Variants in TAFA2 observed in about 807,000 individuals in gnomAD.
TAFA2 encodes the protein chemokine-like protein TAFA-2.
In TAFA2, 7 loss-of-function variants were observed where a neutral mutation model predicts 18.8. The ratio of observed to expected loss-of-function variants is 0.37; its 90% CI spans 0.21 to 0.70. The LOEUF is 0.70. Among genes scored for constraint, TAFA2 ranks in the 30% least tolerant of loss-of-function variants. The probability of loss-of-function intolerance (pLI) is 0.53; values close to 1 mark genes in which losing one functional copy is unlikely to be tolerated. For missense variants in TAFA2, 122 were observed against 158.1 expected, an observed-to-expected ratio of 0.77 and a Z score of 1.23; for synonymous variants, 60 against 54.2, an observed-to-expected ratio of 1.11 and a Z score of -0.47.
At chr12:62,065,611 G>T (rs1882464335) in intron 1 of TAFA2, among the ~76,000 whole-genome samples, 1 of 151,970 alleles carries the variant, frequency 6.6e-6, no homozygotes, top group Admixed American at 6.6e-5. Context: ...CTTAGCATGT[G>T]TTCATATCAT....
At chr12:61,902,285 A>C (rs2198787) in intron 1 of TAFA2, among the ~76,000 whole-genome samples, 148,629 of 152,186 alleles carry the variant, frequency 0.98, 72,606 homozygotes, top group East Asian at 1. Flanking sequence ...ACTGTCACTA[A>C]CTTTAAAATA....
At chr12:62,046,627 T>A (rs151313451) in intron 1 of TAFA2, among the ~76,000 whole-genome samples, 1 of 152,194 alleles carries the variant, frequency 6.6e-6, no homozygotes, top group East Asian at 1.9e-4. Context: ...TATAAAATAC[T>A]CTACAGATTT....
At chr12:61,921,393 G>A (rs1423349197) in intron 1 of TAFA2, among the ~76,000 whole-genome samples, 1 of 152,130 alleles carries the variant, frequency 6.6e-6, no homozygotes, top group African/African-American at 2.4e-5. Context: ...CTCCCTGATA[G>A]ATTGAATTCT....
intron 1 of TAFA2, among the ~76,000 whole-genome samples, chr12:62,098,949 A>T (rs1869068299): frequency 1.3e-5 from 2 of 152,186 alleles, no homozygotes; most frequent in South Asian, 4.1e-4. Context: ...ATATTTACAC[A>T]TTAAATGTTT....
At chr12:62,093,445 T>C (rs1274668755) in intron 1 of TAFA2, among the ~76,000 whole-genome samples, 2 of 152,058 alleles carry the variant, frequency 1.3e-5, no homozygotes, top group Admixed American at 1.3e-4. Flanking sequence ...TTGGCATTGC[T>C]AGAAGTGGCT....
intron 1 of TAFA2, among the ~76,000 whole-genome samples, chr12:62,113,505 A>G (rs1869826413): frequency 6.6e-6 from 1 of 152,142 alleles, no homozygotes; most frequent in Non-Finnish European, 1.5e-5. Flanking sequence ...TCTGTCCCTT[A>G]GCAGAGCTTG....
At chr12:62,127,265 G>A (rs548176706) in intron 1 of TAFA2, among the ~76,000 whole-genome samples, 135 of 152,052 alleles carry the variant, frequency 8.9e-4, no homozygotes, top group African/African-American at 2.9e-3. Flanking sequence ...GGGTCAGAAG[G>A]AAGATTGCAC....
At chr12:61,933,583 G>T (rs1184027645) in intron 1 of TAFA2, among the ~76,000 whole-genome samples, 2 of 152,078 alleles carry the variant, frequency 1.3e-5, no homozygotes, top group Non-Finnish European at 2.9e-5. Flanking sequence ...GAGTGGTGGT[G>T]CACACCTGTA....
At chr12:61,806,910 C>T (rs527466981) in intron 2 of TAFA2, among the ~76,000 whole-genome samples, 3 of 152,210 alleles carry the variant, frequency 2.0e-5, no homozygotes, top group African/African-American at 7.2e-5. Flanking sequence ...GACTTGGGTG[C>T]TGTTAAAGGC....
chr12:61,918,444 A>G (rs867868853), intron 1 of TAFA2, among the ~76,000 whole-genome samples: 6 of 152,246 alleles, frequency 3.9e-5, no homozygotes, highest in African/African-American at 1.2e-4. Flanking sequence ...TTCTCTTGAC[A>G]TAATGACCTC....
chr12:61,788,902 T>A lies in TAFA2; in HGVS notation c.107-33878A>T, dbSNP rs1870855257. The stretch of plus-strand genomic sequence containing the variant: ...TAACTGAATCTATCAGTACTAAAAG[T>A]TTTTTTCTATTAACAAAAGCCATAT... On this transcript the variant is annotated intron_variant, in intron 2 of 4. Transcript: ENST00000416284. Among the ~76,000 whole-genome samples, 3 of 151,704 alleles carry A rather than the reference T, an allele frequency of 2.0e-5. No homozygotes were observed. In the South Asian group the frequency reaches 6.2e-4, roughly 31 times the overall value.
At chr12:61,933,574 A>G (rs937560262) in intron 1 of TAFA2, among the ~76,000 whole-genome samples, 3 of 152,038 alleles carry the variant, frequency 2.0e-5, no homozygotes, top group Non-Finnish European at 4.4e-5. Context: ...ATTAGCCAGG[A>G]GTGGTGGTGC....
chr12:62,152,717 C>T (rs1264091350), intron 1 of TAFA2, among the ~76,000 whole-genome samples: 8 of 152,190 alleles, frequency 5.3e-5, no homozygotes, highest in African/African-American at 9.6e-5. Context: ...TGGGTAATTG[C>T]TTTTGCCCAA....
intron 2 of TAFA2, among the ~76,000 whole-genome samples, chr12:61,840,733 A>G (rs1873135814): frequency 6.6e-6 from 1 of 152,094 alleles, no homozygotes. Context: ...AACGAAAACA[A>G]TGGTCTGCTG....
intron 1 of TAFA2, among the ~76,000 whole-genome samples, chr12:61,888,693 C>G (rs1176130557): frequency 1.3e-5 from 2 of 152,060 alleles, no homozygotes; most frequent in Non-Finnish European, 2.9e-5. Flanking sequence ...AAGGATGCAA[C>G]AATCCAACAT....
chr12:62,060,651 T>C (rs905130889), intron 1 of TAFA2, among the ~76,000 whole-genome samples: 1 of 152,160 alleles, frequency 6.6e-6, no homozygotes, highest in South Asian at 2.1e-4. Context: ...GAAGAAGACA[T>C]TGATATTACA....
intron 1 of TAFA2, among the ~76,000 whole-genome samples, chr12:62,171,701 G>A (rs187441437): frequency 7.9e-5 from 12 of 152,210 alleles, no homozygotes; most frequent in African/African-American, 2.2e-4. Context: ...ACTTCCCAGC[G>A]TCCATAGCTT....
In TAFA2 at chr12:62,245,447, T is replaced by C. The variant is rs11174396; in HGVS notation, c.-130+13316A>G. Reference sequence around the variant, plus strand: ...TTACATGTCTGCAGATTATCTTGAATTTCCACATGGACATTGACATATTGT... The same window carrying C: ...TTACATGTCTGCAGATTATCTTGAACTTCCACATGGACATTGACATATTGT... On this transcript the variant is annotated intron_variant, in intron 1 of 5. Transcript: ENST00000551619. 1.1e-4 allele frequency among the ~76,000 whole-genome samples: 16 copies of C among 151,982 alleles called. No individual in the cohort carries two copies. The East Asian group carries it at 2.9e-3, about 27-fold the overall frequency.
intron 1 of TAFA2, among the ~76,000 whole-genome samples, chr12:62,231,070 T>C (rs2062810030): frequency 6.6e-6 from 1 of 152,238 alleles, no homozygotes; most frequent in African/African-American, 2.4e-5. Context: ...TGATCCACAG[T>C]GTAGTTTAAC....
Sources: allele counts gnomAD v4.1 joint callset (sites outside exome capture counted in the v4.1 genomes callset), GRCh38; gene constraint gnomAD v4.1.1; transcripts MANE v1.5; gene names NCBI Gene and HGNC (gene_info 2026-07-23, HGNC 2026-07-21).